Variants in NDUFB3 observed in about 807,000 individuals in gnomAD.
The protein encoded by NDUFB3 is NADH:ubiquinone oxidoreductase subunit B3.
A neutral mutation model predicts 9.0 loss-of-function variants in NDUFB3; 7 were observed. The observed-to-expected ratio is 0.78, with a 90% confidence interval of 0.44 to 1.46. NDUFB3 has a LOEUF of 1.46. Among genes scored for constraint, NDUFB3 ranks in the 40% most tolerant of loss-of-function variants. The pLI is 0.01. For synonymous variants in NDUFB3, 29 were observed against 38.5 expected (o/e 0.75, Z 0.91); for missense variants, 93 against 115.4 (o/e 0.81, Z 0.89).
chr2:201,076,767 C>G (rs1164792302), intron 1 of NDUFB3, among the ~76,000 whole-genome samples: 2 of 151,588 alleles, frequency 1.3e-5, no homozygotes, highest in African/African-American at 4.8e-5. Flanking sequence ...TTAATATACA[C>G]TTTTTAATAA....
chr2:201,081,983 T>C (rs1041061035), intron 2 of NDUFB3, among the ~76,000 whole-genome samples: 7 of 151,432 alleles, frequency 4.6e-5, no homozygotes, highest in Non-Finnish European at 8.8e-5. Flanking sequence ...GCCCGGCTAA[T>C]TTTTTGTATT....
At chr2:201,078,248 G>A (rs1402776155) in intron 1 of NDUFB3, among the ~76,000 whole-genome samples, 9 of 152,052 alleles carry the variant, frequency 5.9e-5, no homozygotes, top group Admixed American at 5.9e-4. Context: ...CTTGCAGTGA[G>A]CCAAGATTGC....
At chr2:201,079,640 G>T (rs937415143) in intron 2 of NDUFB3, among the ~76,000 whole-genome samples, 66 of 151,988 alleles carry the variant, frequency 4.3e-4, no homozygotes, top group Non-Finnish European at 5.7e-4. Flanking sequence ...ACAGGGTTTT[G>T]CCATGTTGCC....
chr2:201,081,680 A>T (rs2047224229), intron 2 of NDUFB3, among the ~76,000 whole-genome samples: 1 of 151,822 alleles, frequency 6.6e-6, no homozygotes, highest in Admixed American at 6.6e-5. Flanking sequence ...ACAGAGTCTC[A>T]CTGTGTCACC....
In NDUFB3 at chr2:201,078,957, A is replaced by C; in HGVS notation, c.75A>C (p.Glu25Asp). Residue 25 changes from glutamate (E) to aspartate (D), a missense_variant, in exon 2 of 3, where the codon GAA (glutamate) becomes GAC (aspartate). Physicochemically the swap from Glu to Asp is conservative, Grantham distance 45 (BLOSUM62 2). Coordinates refer to ENST00000237889, the MANE Select transcript of NDUFB3 (RefSeq NM_002491.3). ...CAGATTATAGACAATGGAAGATAGA[A>C]GGGACACCATTAGAAACTATCCAGA... The part of the protein sequence containing the change: ...ELPDYRQWKI[E>D]GTPLETIQKK... 2 of 1,613,668 alleles carry C rather than the reference A, an allele frequency of 1.2e-6. No individual in the cohort carries two copies. The highest frequency in any genetic ancestry group is 1.7e-6 in the Non-Finnish European group (2 of 1,179,788).
intron 1 of NDUFB3, among the ~76,000 whole-genome samples, chr2:201,075,502 G>A (rs2047154575): frequency 6.8e-6 from 1 of 147,240 alleles, no homozygotes; most frequent in South Asian, 2.1e-4. Flanking sequence ...GGAGTCACAG[G>A]TTGCAGTGAG....
chr2:201,073,011 T>A (rs974427624), intron 1 of NDUFB3, among the ~76,000 whole-genome samples: 1 of 152,180 alleles, frequency 6.6e-6, no homozygotes, highest in Non-Finnish European at 1.5e-5. Flanking sequence ...ATATGTAGTG[T>A]TAAATTTTCA....
chr2:201,081,073 T>C (rs1029099448), intron 2 of NDUFB3, among the ~76,000 whole-genome samples: 1 of 152,158 alleles, frequency 6.6e-6, no homozygotes, highest in Non-Finnish European at 1.5e-5. Context: ...AACTTTGGAA[T>C]GAACCTGACA....
intron 2 of NDUFB3, 139 bp from the exon 3 acceptor site, chr2:201,085,318 GAA>G: frequency 1.8e-6 from 1 of 569,716 alleles, no homozygotes. Context: ...CTATGCCACA[GAA>G]AGATTCCTAT....
chr2:201,072,122 G>A (rs1031596673), intron 1 of NDUFB3, 63 bp downstream of exon 1: 2 of 152,290 alleles, frequency 1.3e-5, no homozygotes, highest in Non-Finnish European at 2.9e-5. Flanking sequence ...CTATTCTGGG[G>A]AGTGCAGAAA....
chr2:201,085,688 T>C lies in NDUFB3; in HGVS notation c.*73T>C, dbSNP rs2047284768. ...AGATTTCTTCTCTGTAGCCTACTTG[T>C]CTGGTTTATCCCTTACAGAATATTA... On this transcript the variant is annotated 3_prime_UTR_variant, in exon 3 of 3. Coordinates refer to ENST00000237889, the MANE Select transcript of NDUFB3 (RefSeq NM_002491.3). 1 of 1,313,384 alleles carries C rather than the reference T, an allele frequency of 7.6e-7. No homozygotes were observed. Among genetic ancestry groups the C allele is most frequent in the African/African-American group, 1.5e-5 (1 of 67,612 alleles). The allele number at this position is 1,313,384 out of a possible 1,614,324, so 81.4% of individuals were successfully genotyped here.
chr2:201,082,234 T>G (rs11888623), intron 2 of NDUFB3, among the ~76,000 whole-genome samples: 7,873 of 151,852 alleles, frequency 0.052, 469 homozygotes, highest in African/African-American at 0.14. Context: ...GATTACAGGT[T>G]TGAGCCATCA....
At chr2:201,074,827 A>G (rs2047142873) in intron 1 of NDUFB3, among the ~76,000 whole-genome samples, 1 of 152,224 alleles carries the variant, frequency 6.6e-6, no homozygotes. Context: ...CCACCTAAGT[A>G]TGAAAGTAGA....
intron 2 of NDUFB3, among the ~76,000 whole-genome samples, chr2:201,085,082 A>G (rs2047274751): frequency 6.6e-6 from 1 of 152,222 alleles, no homozygotes; most frequent in South Asian, 2.1e-4. Flanking sequence ...TGAATCTAAT[A>G]TAAGTGGCAT....
At chr2:201,079,704 A>T (rs999226486) in intron 2 of NDUFB3, 5 of 152,194 alleles carry the variant, frequency 3.3e-5, no homozygotes, top group Admixed American at 2.0e-4. Flanking sequence ...TGGCCTCCCA[A>T]AGTGTTAAAA....
At chr2:201,084,044 A>G (rs1293939045) in intron 2 of NDUFB3, among the ~76,000 whole-genome samples, 4 of 152,180 alleles carry the variant, frequency 2.6e-5, no homozygotes, top group East Asian at 3.9e-4. Context: ...TAATCCCAGC[A>G]CTTTGGGAGG....
rs1559148803 is a variant in NDUFB3 at position 201,078,892 on chromosome 2, G to C, written c.10G>C (p.Glu4Gln). The change falls in exon 2 of 3, where the codon GAA becomes CAA. Residue 4 changes from glutamate (E) to glutamine (Q), a missense_variant. Glu to Gln is a conservative substitution (Grantham distance 29). Coordinates refer to ENST00000237889, the MANE Select transcript of NDUFB3 (RefSeq NM_002491.3). ...TCTTTTCCTTACAGACATGGCCCAT[G>C]AACATGGACATGAGCATGGACATCA... MAHEHGHEHGHHKM... is the reference protein window; with the variant it reads MAHQHGHEHGHHKM... The C allele has an allele frequency of 1.2e-6, 2 of 1,609,386 alleles. No homozygotes were observed. The highest frequency in any genetic ancestry group is 1.7e-6 in the Non-Finnish European group (2 of 1,179,212).
chr2:201,076,291 C>T lies in NDUFB3; in HGVS notation c.-2-2590C>T, dbSNP rs180936885. ...GCCTATGCCAGAGGATCAAGGATCA[C>T]TTGAGGCCAGGAGTTTGAGACCAGC... On this transcript the variant is annotated intron_variant, in intron 1 of 2. Transcript: ENST00000237889. 1.5e-4 allele frequency among the ~76,000 whole-genome samples: 23 copies of T among 151,916 alleles called. 1 individual carries two copies. Among genetic ancestry groups the T allele is most frequent in the African/African-American group, 5.3e-4 (22 of 41,438 alleles).
At chr2:201,079,064 A>C in intron 2 of NDUFB3, 42 bp downstream of exon 2, 1 of 1,564,998 alleles carries the variant, frequency 6.4e-7, no homozygotes, top group African/African-American at 1.4e-5. Context: ...TATCCTAGAG[A>C]ATCAAGTGTC....
Sources: allele counts gnomAD v4.1 joint callset (sites outside exome capture counted in the v4.1 genomes callset), GRCh38; gene constraint gnomAD v4.1.1; transcripts MANE v1.5; gene names NCBI Gene and HGNC (gene_info 2026-07-23, HGNC 2026-07-21).